The following TYR variants were observed in gnomAD, a reference collection of about 807,000 sequenced individuals.
TYR encodes the protein LB24-AB.
A neutral mutation model predicts 51.5 loss-of-function variants in TYR; 58 were observed. The ratio of observed to expected loss-of-function variants is 1.13; its 90% CI spans 0.91 to 1.40. The LOEUF (loss-of-function observed/expected upper bound fraction) is 1.40, where lower values mean the gene tolerates loss of function less well. Ranked by LOEUF, TYR falls within the 40% of genes most tolerant of loss-of-function variation. TYR has a pLI of 0.00. For missense variants in TYR, 732 were observed against 647.4 expected (o/e 1.13, Z -1.42); for synonymous variants, 263 against 235.2 (o/e 1.12, Z -1.08).
At chr11:89,274,985 A>T (rs538745039) in intron 3 of TYR, among the ~76,000 whole-genome samples, 15 of 151,926 alleles carry the variant, frequency 9.9e-5, no homozygotes, top group African/African-American at 3.6e-4. Context: ...GATACATCTA[A>T]GTCCAGATCC....
intron 1 of TYR, among the ~76,000 whole-genome samples, chr11:89,185,564 C>T (rs1010117099): frequency 1.1e-4 from 16 of 152,138 alleles, no homozygotes; most frequent in African/African-American, 4.8e-5. Context: ...TTATAAGGGA[C>T]GTAACAATCA....
chr11:89,288,802 A>T (rs1024658166), intron 4 of TYR, among the ~76,000 whole-genome samples: 5 of 151,894 alleles, frequency 3.3e-5, no homozygotes, highest in African/African-American at 1.2e-4. Flanking sequence ...TATTTTATGA[A>T]TTTTTCCATA....
intron 3 of TYR, among the ~76,000 whole-genome samples, chr11:89,243,967 G>A (rs1944233966): frequency 6.6e-6 from 1 of 152,028 alleles, no homozygotes; most frequent in Admixed American, 6.5e-5. Context: ...TATTAATAGA[G>A]GTGAGAAGGG....
At chr11:89,292,646 A>G (rs1206620092) in intron 4 of TYR, among the ~76,000 whole-genome samples, 1 of 152,148 alleles carries the variant, frequency 6.6e-6, no homozygotes, top group Non-Finnish European at 1.5e-5. Flanking sequence ...ATTGGATAAC[A>G]TTCTGATTAC....
intron 3 of TYR, among the ~76,000 whole-genome samples, chr11:89,245,873 A>T (rs1944260513): frequency 6.6e-6 from 1 of 151,976 alleles, no homozygotes; most frequent in South Asian, 2.1e-4. Context: ...ATGAGCCAAG[A>T]TCACGCTACT....
At position 89,275,824 on chromosome 11, in the gene TYR, G is replaced by C. The variant is rs1297938171; in HGVS notation, c.1185-8949G>C. Among the ~76,000 whole-genome samples, 10 of 151,814 alleles carry C rather than the reference G, an allele frequency of 6.6e-5. No individual in the cohort carries two copies. In the East Asian group the frequency reaches 2.0e-3, roughly 30 times the overall value. On this transcript the variant is annotated intron_variant, in intron 3 of 4. Coordinates refer to ENST00000263321, the MANE Select transcript of TYR (RefSeq NM_000372.5). ...TTGAACAGCTGGCCACCTTTGATTA[G>C]ACAAAACTCGGTGATTGGCACAAGA...
intron 3 of TYR, among the ~76,000 whole-genome samples, chr11:89,244,007 T>A (rs1271856121): frequency 6.6e-6 from 1 of 152,110 alleles, no homozygotes; most frequent in African/African-American, 2.4e-5. Context: ...GACCCCTGGT[T>A]GGTAGAATTA....
At chr11:89,190,649 T>C (rs939329797) in intron 1 of TYR, among the ~76,000 whole-genome samples, 1 of 152,094 alleles carries the variant, frequency 6.6e-6, no homozygotes, top group Non-Finnish European at 1.5e-5. Flanking sequence ...GATATATATA[T>C]AGTGTTTATA....
At chr11:89,291,032 A>G (rs867688359) in intron 4 of TYR, among the ~76,000 whole-genome samples, 4 of 151,950 alleles carry the variant, frequency 2.6e-5, no homozygotes, top group African/African-American at 7.2e-5. Flanking sequence ...AAATTTAAAC[A>G]TCTCTCCTTA....
At chr11:89,278,586 T>G (rs1053456692) in intron 3 of TYR, among the ~76,000 whole-genome samples, 7 of 151,634 alleles carry the variant, frequency 4.6e-5, no homozygotes, top group African/African-American at 1.7e-4. Context: ...TCCTTGTTTG[T>G]TCTTTTTTTA....
intron 2 of TYR, among the ~76,000 whole-genome samples, chr11:89,216,550 G>A (rs75298424): frequency 0.025 from 3,780 of 150,910 alleles, 173 homozygotes; most frequent in African/African-American, 0.088. Flanking sequence ...CTACTCAGTA[G>A]GCTGAGGCTG....
chr11:89,194,500 G>A (rs926702471), intron 2 of TYR, among the ~76,000 whole-genome samples: 5 of 133,218 alleles, frequency 3.8e-5, no homozygotes, highest in Non-Finnish European at 6.4e-5. Flanking sequence ...GACATTTTAA[G>A]ACTATGCAAA....
intron 1 of TYR, among the ~76,000 whole-genome samples, chr11:89,185,346 A>G (rs12417182): frequency 0.2 from 31,000 of 152,050 alleles, 4,439 homozygotes; most frequent in African/African-American, 0.41. Flanking sequence ...TTCTATGGTA[A>G]AGGTGGTACC....
intron 3 of TYR, among the ~76,000 whole-genome samples, chr11:89,275,570 C>T (rs1236879679): frequency 1.3e-5 from 2 of 151,792 alleles, no homozygotes; most frequent in Non-Finnish European, 2.9e-5. Context: ...AGATATTGTT[C>T]AAAGGAAAAC....
At chr11:89,213,572 A>C (rs1432056276) in intron 2 of TYR, among the ~76,000 whole-genome samples, 1 of 152,238 alleles carries the variant, frequency 6.6e-6, no homozygotes, top group Non-Finnish European at 1.5e-5. Context: ...TTCTTCACAG[A>C]ATTGGAAAAA....
At chr11:89,198,578 T>G (rs1159337659) in intron 2 of TYR, among the ~76,000 whole-genome samples, 1 of 152,124 alleles carries the variant, frequency 6.6e-6, no homozygotes, top group Non-Finnish European at 1.5e-5. Context: ...TGCCAGACAT[T>G]AATACTCCTC....
intron 2 of TYR, among the ~76,000 whole-genome samples, chr11:89,209,567 G>C (rs1156425412): frequency 6.6e-6 from 1 of 152,196 alleles, no homozygotes; most frequent in African/African-American, 2.4e-5. Flanking sequence ...AGCTTATGCA[G>C]AATTAAACGT....
intron 3 of TYR, among the ~76,000 whole-genome samples, chr11:89,282,060 A>T (rs951034638): frequency 4.0e-5 from 6 of 151,854 alleles, no homozygotes; most frequent in Non-Finnish European, 5.9e-5. Flanking sequence ...CTTAATCAAG[A>T]TTAATACCTT....
At chr11:89,248,382 C>G (rs1643002547) in intron 3 of TYR, among the ~76,000 whole-genome samples, 1 of 152,012 alleles carries the variant, frequency 6.6e-6, no homozygotes, top group South Asian at 2.1e-4. Context: ...TTGAGATAGG[C>G]TACCTATAGC....
Sources: allele counts gnomAD v4.1 joint callset (sites outside exome capture counted in the v4.1 genomes callset), GRCh38; gene constraint gnomAD v4.1.1; transcripts MANE v1.5; gene names NCBI Gene and HGNC (gene_info 2026-07-23, HGNC 2026-07-21).